SCNN1B: variants seen among roughly 807,000 people sequenced by gnomAD.
SCNN1B encodes the protein sodium channel epithelial 1 subunit beta, also known as epithelial sodium channel subunit beta.
A neutral mutation model predicts 65.3 loss-of-function variants in SCNN1B; 46 were observed. That is an observed-to-expected ratio of 0.70 (90% confidence interval 0.56 to 0.90). SCNN1B has a LOEUF of 0.90. SCNN1B is among the 40% of genes least tolerant of loss of function. The probability of loss-of-function intolerance (pLI) is 0.00; values close to 1 mark genes in which losing one functional copy is unlikely to be tolerated. For synonymous variants in SCNN1B, 349 were observed against 330.6 expected (o/e 1.06, Z -0.60); for missense variants, 751 against 830.5 (o/e 0.90, Z 1.18).
rs111506931 is a variant in SCNN1B at position 23,371,596 on chromosome 16, T to C, written c.1044+134T>C. On this transcript the variant is annotated intron_variant, in intron 6 of 12. Transcript: ENST00000343070. Reference sequence around the variant, plus strand: ...TGGCCTTCCTTCCTTTTGGCTGGAATCCCCCCAGGGTGGCCCAAGCTTTAG... The same window carrying C: ...TGGCCTTCCTTCCTTTTGGCTGGAACCCCCCCAGGGTGGCCCAAGCTTTAG... 23 of 1,106,654 alleles carry C rather than the reference T, an allele frequency of 2.1e-5. No individual in the cohort carries two copies. The African/African-American group carries it at 2.3e-4, about 11-fold the overall frequency. 68.6% of individuals were successfully genotyped at this position (1,106,654 alleles called of 1,614,324 possible).
upstream of SCNN1B, among the ~76,000 whole-genome samples, chr16:23,299,114 C>T (rs1355523168): frequency 6.9e-6 from 1 of 144,594 alleles, no homozygotes; most frequent in Non-Finnish European, 1.5e-5. Flanking sequence ...GGCTAGAGTG[C>T]AGTGGCACAA....
At chr16:23,293,285 G>A (rs945778643) in intron 2 of SCNN1B, among the ~76,000 whole-genome samples, 1 of 151,956 alleles carries the variant, frequency 6.6e-6, no homozygotes, top group Non-Finnish European at 1.5e-5. Flanking sequence ...CAGATAAATG[G>A]ACAAACGAAA....
At position 23,372,275 on chromosome 16, in the gene SCNN1B, A is replaced by G; in HGVS notation, c.1152+392A>G. On this transcript the variant is annotated intron_variant, in intron 7 of 12. Transcript: ENST00000343070. The stretch of plus-strand genomic sequence containing the variant: ...TTCAACTGCCTCCTGCCATGAATCT[A>G]CAATATAGTAATGACAGCAGCATTT... 1.5e-5 allele frequency: 5 copies of G among 328,696 alleles called. 1 individual carries two copies. Among genetic ancestry groups the G allele is most frequent in the South Asian group, 1.5e-4 (5 of 33,766 alleles). The allele number at this position is 328,696 out of a possible 1,614,324, so 20.4% of individuals were successfully genotyped here.
intron 1 of SCNN1B, among the ~76,000 whole-genome samples, chr16:23,341,486 C>T (rs951279571): frequency 6.6e-6 from 1 of 151,990 alleles, no homozygotes; most frequent in Non-Finnish European, 1.5e-5. Context: ...AACTTTTGTT[C>T]TTCAAAGGAC....
intron 11 of SCNN1B, 93 bp from the exon 12 acceptor site, chr16:23,379,983 TGTGGGTGTGTGCACGTGC>T: frequency 1.2e-6 from 1 of 836,824 alleles, no homozygotes; most frequent in Non-Finnish European, 2.1e-6. Context: ...TGTGCATACA[TGTGGGTGTGTGCACGTGC>T]ATGTGTGTGC....
chr16:23,355,466 C>T lies in SCNN1B; in HGVS notation c.753C>T (p.Phe251=), dbSNP rs748167291. ...PGEQMILACL[F]GAEPCNYRNF... ...AGCAGATGATCCTGGCCTGCCTATT[C>T]GGAGCTGAGCCCTGCAACTACCGGT... is the stretch of plus-strand genomic sequence containing the variant. The change falls in exon 4 of 13, where the codon TTC becomes TTT. Residue 251 remains phenylalanine (F), a synonymous_variant. Transcript: ENST00000343070. 23 of 1,614,030 alleles carry T rather than the reference C, an allele frequency of 1.4e-5. No homozygotes were observed. Among genetic ancestry groups the T allele is most frequent in the South Asian group, 1.1e-4 (10 of 91,056 alleles).
intron 1 of SCNN1B, among the ~76,000 whole-genome samples, chr16:23,280,929 A>G (rs904116685): frequency 5.3e-5 from 8 of 152,256 alleles, no homozygotes; most frequent in Admixed American, 3.3e-4. Flanking sequence ...GCTGTGGGCT[A>G]CTTGAGGAGA....
intron 2 of SCNN1B, among the ~76,000 whole-genome samples, chr16:23,351,846 C>A (rs1031147746): frequency 6.6e-6 from 1 of 152,084 alleles, no homozygotes; most frequent in Non-Finnish European, 1.5e-5. Flanking sequence ...TCTCTTGAAA[C>A]TGGCTCCTGT....
At chr16:23,336,647 G>C (rs1961949060) in intron 1 of SCNN1B, among the ~76,000 whole-genome samples, 1 of 152,130 alleles carries the variant, frequency 6.6e-6, no homozygotes, top group Non-Finnish European at 1.5e-5. Context: ...TGGGATTACA[G>C]ACTTGAGCCA....
intron 1 of SCNN1B, among the ~76,000 whole-genome samples, chr16:23,345,974 T>G (rs1962177067): frequency 6.6e-6 from 1 of 152,050 alleles, no homozygotes; most frequent in Non-Finnish European, 1.5e-5. Flanking sequence ...CTGCTCTGTG[T>G]CCAGAGAGAA....
chr16:23,348,823 T>G lies in SCNN1B; in HGVS notation c.224T>G (p.Leu75Trp), dbSNP rs767095029. Residue 75 changes from leucine to tryptophan, a missense_variant, in exon 2 of 13, where the codon TTG (leucine) becomes TGG (tryptophan). Transcript: ENST00000343070. This position sits in a 1 kb window ranked among gnomAD's most constrained non-coding sequence, Gnocchi z 4.5. Reference protein sequence around the residue: ...WQWGIFIRTYLSWEVSVSLSV... With the variant: ...WQWGIFIRTYWSWEVSVSLSV... ...TGGGGCATCTTCATCAGGACCTACTTGAGCTGGGAGGTCAGCGTCTCCCTC... is the reference window on the plus strand; with the variant it reads ...TGGGGCATCTTCATCAGGACCTACTGGAGCTGGGAGGTCAGCGTCTCCCTC... 8.7e-6 allele frequency: 14 copies of G among 1,614,140 alleles called. No homozygotes were observed. In the Middle Eastern group the frequency reaches 4.9e-4, roughly 57 times the overall value.
In SCNN1B at chr16:23,348,818, C is replaced by A. The variant is rs774946342; in HGVS notation, c.219C>A (p.Thr73=). ...VCWQWGIFIR[T]YLSWEVSVSL... Reference sequence around the variant, plus strand: ...GGCAGTGGGGCATCTTCATCAGGACCTACTTGAGCTGGGAGGTCAGCGTCT... The same window carrying A: ...GGCAGTGGGGCATCTTCATCAGGACATACTTGAGCTGGGAGGTCAGCGTCT... The change falls in exon 2 of 13, where the codon ACC becomes ACA. Residue 73 remains threonine (T), a synonymous_variant. Transcript: ENST00000343070. The surrounding 1 kb of genome is among the most constrained non-coding windows in gnomAD (Gnocchi z 4.5). The A allele has an allele frequency of 2.6e-5, 42 of 1,614,080 alleles. No homozygotes were observed. Among genetic ancestry groups the A allele is most frequent in the Non-Finnish European group, 3.5e-5 (41 of 1,180,054 alleles).
In SCNN1B at chr16:23,335,750, ATTT is replaced by A. The variant is rs56950176; in HGVS notation, c.-8-12832_-8-12830del. On this transcript the variant is annotated intron_variant, in intron 1 of 12. Transcript: ENST00000343070. The stretch of plus-strand genomic sequence containing the variant: ...GTGTGAGCCACTGTGCCCGGCCTCT[ATTT>A]TTTTTTTTTAACATAAATGCATGTG... Among the ~76,000 whole-genome samples, 3,057 of 146,528 alleles carry A rather than the reference ATTT, an allele frequency of 0.021. 144 individuals are homozygous for A. In the South Asian group the frequency reaches 0.21, roughly 10 times the overall value.
intron 4 of SCNN1B, among the ~76,000 whole-genome samples, chr16:23,361,085 T>C (rs152737): frequency 0.39 from 59,159 of 151,748 alleles, 12,045 homozygotes; most frequent in East Asian, 0.51. Context: ...TGAGCCACTG[T>C]GCCCAGCGTA....
At chr16:23,284,514 T>G (rs1960825002) in intron 2 of SCNN1B, among the ~76,000 whole-genome samples, 1 of 152,160 alleles carries the variant, frequency 6.6e-6, no homozygotes, top group African/African-American at 2.4e-5. Flanking sequence ...TTGTTAGAAC[T>G]CCAGCACCTC....
At position 23,303,424 on chromosome 16, in the gene SCNN1B, C is replaced by T. The variant is rs541971176; in HGVS notation, c.-9+987C>T. Among the ~76,000 whole-genome samples the T allele has an allele frequency of 4.6e-5, 7 of 152,138 alleles. No homozygotes were observed. The East Asian group carries it at 9.7e-4, about 21-fold the overall frequency. Reference sequence around the variant, plus strand: ...TCAGATCCCAGCATCCGTGAGTGACCCAACCTGCCTACCCATTGAGCTGTG... The same window carrying T: ...TCAGATCCCAGCATCCGTGAGTGACTCAACCTGCCTACCCATTGAGCTGTG... On this transcript the variant is annotated intron_variant, in intron 1 of 12. Coordinates refer to ENST00000343070, the MANE Select transcript of SCNN1B (RefSeq NM_000336.3).
intron 7 of SCNN1B, among the ~76,000 whole-genome samples, chr16:23,374,624 G>A (rs867462178): frequency 6.8e-6 from 1 of 146,136 alleles, no homozygotes; most frequent in Non-Finnish European, 1.5e-5. Flanking sequence ...GCCCGAAACC[G>A]AGCTCTGGCT....
At chr16:23,333,836 A>T (rs1961879931) in intron 1 of SCNN1B, among the ~76,000 whole-genome samples, 1 of 152,142 alleles carries the variant, frequency 6.6e-6, no homozygotes, top group African/African-American at 2.4e-5. Flanking sequence ...GTTAAAATTT[A>T]AAAATAAAGA....
chr16:23,309,474 T>C (rs983269226), intron 1 of SCNN1B, among the ~76,000 whole-genome samples: 5 of 150,402 alleles, frequency 3.3e-5, no homozygotes, highest in African/African-American at 9.7e-5. Flanking sequence ...TTATTAAATA[T>C]TAACTCACAT....
Sources: gnomAD v4.1 joint callset for allele counts (sites outside exome capture counted in the v4.1 genomes callset) on GRCh38, gnomAD v4.1.1 for gene constraint, Gnocchi (gnomAD v3.1) non-coding constraint, MANE v1.5 for transcripts, NCBI Gene and HGNC (gene_info 2026-07-23, HGNC 2026-07-21) for gene names.